Variants in SPATA6L observed in about 807,000 individuals in gnomAD.
SPATA6L encodes spermatogenesis associated 6 like, also known as spermatogenesis associated 6-like protein.
A neutral mutation model predicts 49.2 loss-of-function variants in SPATA6L; 68 were observed. The observed-to-expected ratio is 1.38, with a 90% CI of 1.14 to 1.69. The LOEUF (loss-of-function observed/expected upper bound fraction) is 1.69. Ranked by LOEUF, SPATA6L falls within the 40% of genes most tolerant of loss-of-function variation. The pLI, the probability that SPATA6L is intolerant of heterozygous loss-of-function variation, is 0.00. For missense variants in SPATA6L, 668 were observed against 464.3 expected (o/e 1.44, Z -4.03); for synonymous variants, 198 against 165.7 (o/e 1.19, Z -1.50).
intron 8 of SPATA6L, 91 bp from the exon 9 acceptor site, chr9:4,618,201 C>G: frequency 8.9e-7 from 1 of 1,125,468 alleles, no homozygotes; most frequent in Admixed American, 2.2e-5. Flanking sequence ...GAAGATAACT[C>G]GGGCTAAGAT....
chr9:4,603,365 G>A (rs1311586731), intron 11 of SPATA6L, among the ~76,000 whole-genome samples: 1 of 152,182 alleles, frequency 6.6e-6, no homozygotes, highest in Admixed American at 6.5e-5. Context: ...GGGGGGTGGA[G>A]GTTGCAGTGA....
chr9:4,649,744 T>A (rs1836374742), intron 3 of SPATA6L, among the ~76,000 whole-genome samples: 1 of 152,250 alleles, frequency 6.6e-6, no homozygotes, highest in Non-Finnish European at 1.5e-5. Context: ...GCTTTAAATA[T>A]CAAGGACAAA....
At chr9:4,657,983 A>G (rs1838698133) in intron 2 of SPATA6L, among the ~76,000 whole-genome samples, 1 of 152,120 alleles carries the variant, frequency 6.6e-6, no homozygotes, top group South Asian at 2.1e-4. Context: ...ACACACACAG[A>G]GTGAATGCCG....
At chr9:4,637,517 G>T (rs1161857978) in intron 3 of SPATA6L, among the ~76,000 whole-genome samples, 1 of 152,086 alleles carries the variant, frequency 6.6e-6, no homozygotes, top group South Asian at 2.1e-4. Flanking sequence ...TCTACTGCTG[G>T]CAGGGCTGTC....
intron 3 of SPATA6L, among the ~76,000 whole-genome samples, chr9:4,649,016 T>C (rs1010730317): frequency 5.3e-5 from 8 of 151,732 alleles, no homozygotes; most frequent in Non-Finnish European, 1.0e-4. Flanking sequence ...TCATTCCTTT[T>C]AATGGTTGAG....
intron 13 of SPATA6L, among the ~76,000 whole-genome samples, chr9:4,592,776 C>G (rs1309344988): frequency 6.6e-6 from 1 of 152,200 alleles, no homozygotes; most frequent in African/African-American, 2.4e-5. Context: ...CTTATCATAT[C>G]CCCCAAAATA....
At chr9:4,619,992 C>G (rs1480644607) in intron 7 of SPATA6L, among the ~76,000 whole-genome samples, 2 of 152,144 alleles carry the variant, frequency 1.3e-5, no homozygotes, top group Non-Finnish European at 2.9e-5. Context: ...TGACAAGGGA[C>G]TTTTTCTGGA....
chr9:4,609,096 G>C (rs578043971), intron 9 of SPATA6L, among the ~76,000 whole-genome samples: 1 of 150,952 alleles, frequency 6.6e-6, no homozygotes, highest in East Asian at 1.9e-4. Flanking sequence ...ACTAAACCAG[G>C]AAGAAGTTGA....
rs1254204455 is a variant in SPATA6L, at chr9:4,600,001, C to T, written c.*810G>A. Among the ~76,000 whole-genome samples, 1 of 152,190 alleles carries T rather than the reference C, an allele frequency of 6.6e-6. No individual in the cohort carries two copies. The highest frequency in any genetic ancestry group is 2.4e-5 in the African/African-American group (1 of 41,446). ...CCCTTCCTATTCCTGCTCCCTCACA[C>T]TGTGTAAGCATTTCATAGATGCACC... On this transcript the variant is annotated 3_prime_UTR_variant, in exon 12 of 12. Transcript: ENST00000682582.
At chr9:4,609,075 G>T (rs868187715) in intron 9 of SPATA6L, among the ~76,000 whole-genome samples, 1 of 148,058 alleles carries the variant, frequency 6.8e-6, no homozygotes. Flanking sequence ...CGACACATAC[G>T]CTCTCCCAAG....
At chr9:4,595,100 C>T (rs1822156823), downstream of SPATA6L, among the ~76,000 whole-genome samples, 2 of 152,168 alleles carry the variant, frequency 1.3e-5, no homozygotes, top group African/African-American at 4.8e-5. Flanking sequence ...AAATGAAGGA[C>T]ACTGTGTCCT....
At chr9:4,639,088 A>C (rs1188617974) in intron 3 of SPATA6L, among the ~76,000 whole-genome samples, 1 of 152,168 alleles carries the variant, frequency 6.6e-6, no homozygotes, top group Non-Finnish European at 1.5e-5. Flanking sequence ...CTGCCCTTTA[A>C]GACTACTGTA....
chr9:4,641,183 C>CAGA (rs1833958954), intron 3 of SPATA6L, among the ~76,000 whole-genome samples: 2 of 149,248 alleles, frequency 1.3e-5, no homozygotes, highest in African/African-American at 5.0e-5. Context: ...TATTCAACAA[C>CAGA]CATAAAATAT....
At chr9:4,627,174 A>G (rs1359958218) in intron 5 of SPATA6L, 3 of 113,418 alleles carry the variant, frequency 2.6e-5, no homozygotes, top group Non-Finnish European at 3.6e-5. Flanking sequence ...AAAAAACAAT[A>G]AAACTATTTG....
chr9:4,629,769 G>GTGTGTGTGTGTGTATATATATATATA (rs1311805859), intron 4 of SPATA6L, among the ~76,000 whole-genome samples: 48 of 101,900 alleles, frequency 4.7e-4, no homozygotes, highest in African/African-American at 2.1e-3. Flanking sequence ...GTGTGTGTGT[G>GTGTGTGTGTGTGTATATATATATATA]TATATATATA....
intron 3 of SPATA6L, among the ~76,000 whole-genome samples, chr9:4,650,738 C>A (rs796940010): frequency 1.3e-5 from 2 of 152,066 alleles, no homozygotes; most frequent in Non-Finnish European, 2.9e-5. Context: ...CAGTTCACTG[C>A]CACCTCTGCC....
intron 10 of SPATA6L, among the ~76,000 whole-genome samples, chr9:4,604,742 G>C (rs1824295485): frequency 6.6e-6 from 1 of 152,086 alleles, no homozygotes; most frequent in Admixed American, 6.5e-5. Context: ...CAACTACATG[G>C]CATCATTAAA....
At chr9:4,606,366 C>T (rs1484405683) in intron 9 of SPATA6L, among the ~76,000 whole-genome samples, 1 of 133,842 alleles carries the variant, frequency 7.5e-6, no homozygotes, top group Non-Finnish European at 1.6e-5. Context: ...AACAAAAAGA[C>T]AGCAGTAACC....
At chr9:4,649,268 G>T (rs1476596710) in intron 3 of SPATA6L, among the ~76,000 whole-genome samples, 1 of 152,142 alleles carries the variant, frequency 6.6e-6, no homozygotes, top group Non-Finnish European at 1.5e-5. Flanking sequence ...TGGATCAAAT[G>T]ATAGTTCTAC....
Sources: allele counts gnomAD v4.1 joint callset (sites outside exome capture counted in the v4.1 genomes callset), GRCh38; gene constraint gnomAD v4.1.1; transcripts MANE v1.5; gene names NCBI Gene and HGNC (gene_info 2026-07-23, HGNC 2026-07-21).